The following SYNPR variants were observed in gnomAD, a reference collection of about 807,000 sequenced individuals.
SYNPR encodes synaptoporin.
SYNPR carries 23 observed loss-of-function variants against 32.9 expected under a neutral mutation model. The observed-to-expected ratio is 0.70, with a 90% CI of 0.50 to 0.99. The LOEUF is 0.99. SYNPR is among the 50% of genes least tolerant of loss of function. The probability of loss-of-function intolerance (pLI) is 0.00; values close to 1 mark genes in which losing one functional copy is unlikely to be tolerated. For missense variants in SYNPR, 318 were observed against 349.3 expected, an observed-to-expected ratio of 0.91 and a Z score of 0.71; for synonymous variants, 146 against 135.9, an observed-to-expected ratio of 1.07 and a Z score of -0.52.
chr3:63,544,330 T>C (rs909319935), intron 3 of SYNPR, among the ~76,000 whole-genome samples: 15 of 152,106 alleles, frequency 9.9e-5, no homozygotes, highest in African/African-American at 3.4e-4. Flanking sequence ...CAATGTTTTC[T>C]TGTGTCTTAG....
chr3:63,430,837 G>T (rs755289217), intron 2 of SYNPR, among the ~76,000 whole-genome samples: 1 of 152,030 alleles, frequency 6.6e-6, no homozygotes, highest in Non-Finnish European at 1.5e-5. Flanking sequence ...AAAATAAAAT[G>T]ACACAAGTAA....
At chr3:63,320,098 C>T (rs2087092491) in intron 2 of SYNPR, among the ~76,000 whole-genome samples, 1 of 151,934 alleles carries the variant, frequency 6.6e-6, no homozygotes, top group Admixed American at 6.6e-5. Flanking sequence ...TATAGATGTG[C>T]AGCACCATAC....
intron 4 of SYNPR, among the ~76,000 whole-genome samples, chr3:63,596,073 C>A (rs1341079102): frequency 4.7e-5 from 7 of 148,900 alleles, no homozygotes; most frequent in South Asian, 2.1e-4. Flanking sequence ...TATACATGTG[C>A]CATGCTGGTG....
intron 2 of SYNPR, among the ~76,000 whole-genome samples, chr3:63,363,624 T>C (rs188717585): frequency 6.6e-6 from 1 of 152,216 alleles, no homozygotes; most frequent in Non-Finnish European, 1.5e-5. Context: ...CCTCGTTTTC[T>C]TCTCTGTCAG....
intron 1 of SYNPR, chr3:63,252,379 C>T (rs1272686057): frequency 6.6e-6 from 1 of 152,048 alleles, no homozygotes; most frequent in East Asian, 1.9e-4. Flanking sequence ...ATTTGAATTC[C>T]ATTTATGAAG....
At chr3:63,296,780 G>C in intron 2 of SYNPR, among the ~76,000 whole-genome samples, 1 of 152,100 alleles carries the variant, frequency 6.6e-6, no homozygotes, top group East Asian at 1.9e-4. Context: ...GTACAGTTTA[G>C]TTGTTTATAA....
chr3:63,273,901 A>G (rs1318469554), upstream of SYNPR, among the ~76,000 whole-genome samples: 1 of 152,234 alleles, frequency 6.6e-6, no homozygotes, highest in Non-Finnish European at 1.5e-5. Flanking sequence ...ATAATGCTAT[A>G]CTTATTCTAA....
intron 2 of SYNPR, among the ~76,000 whole-genome samples, chr3:63,395,911 C>G (rs1322348868): frequency 1.3e-5 from 2 of 151,900 alleles, no homozygotes; most frequent in African/African-American, 2.4e-5. Context: ...TTCCATTTTA[C>G]TTAATCTCTT....
intron 2 of SYNPR, among the ~76,000 whole-genome samples, chr3:63,367,080 T>G (rs1388564252): frequency 6.6e-6 from 1 of 152,236 alleles, no homozygotes; most frequent in African/African-American, 2.4e-5. Context: ...CTGGAAATTC[T>G]AGGCCAGATG....
At chr3:63,330,613 A>G (rs2087217799) in intron 2 of SYNPR, among the ~76,000 whole-genome samples, 1 of 152,166 alleles carries the variant, frequency 6.6e-6, no homozygotes, top group South Asian at 2.1e-4. Flanking sequence ...TAAAAAGAGG[A>G]GATGATAAAC....
At chr3:63,326,706 T>C (rs546524966) in intron 2 of SYNPR, among the ~76,000 whole-genome samples, 74 of 152,262 alleles carry the variant, frequency 4.9e-4, no homozygotes, top group African/African-American at 1.6e-3. Flanking sequence ...TATTTATCAG[T>C]TTCTCTCTCT....
intron 3 of SYNPR, among the ~76,000 whole-genome samples, chr3:63,506,222 C>CATTG (rs1375151460): frequency 6.6e-6 from 1 of 151,880 alleles, no homozygotes; most frequent in Non-Finnish European, 1.5e-5. Flanking sequence ...CAATATGAAC[C>CATTG]ATTGATTGAA....
chr3:63,475,393 C>G (rs1700880753), intron 2 of SYNPR, among the ~76,000 whole-genome samples: 1 of 152,132 alleles, frequency 6.6e-6, no homozygotes, highest in African/African-American at 2.4e-5. Context: ...GGTGAGGTGT[C>G]TGCTTTGTTT....
At chr3:63,407,605 C>A (rs552509876) in intron 2 of SYNPR, among the ~76,000 whole-genome samples, 1 of 152,248 alleles carries the variant, frequency 6.6e-6, no homozygotes, top group South Asian at 2.1e-4. Context: ...TAATATCATA[C>A]AAGTTAAATG....
intron 3 of SYNPR, among the ~76,000 whole-genome samples, chr3:63,518,424 G>A (rs905670541): frequency 3.3e-5 from 5 of 152,060 alleles, no homozygotes; most frequent in Admixed American, 3.3e-4. Context: ...TGTGTCCCAG[G>A]CCTGGAACAA....
intron 2 of SYNPR, among the ~76,000 whole-genome samples, chr3:63,370,582 A>G (rs1330674435): frequency 6.6e-6 from 1 of 152,220 alleles, no homozygotes; most frequent in Non-Finnish European, 1.5e-5. Context: ...GGTGTTTAAA[A>G]TGGACAAATA....
At chr3:63,589,485 G>A (rs192644941) in intron 4 of SYNPR, among the ~76,000 whole-genome samples, 22 of 151,962 alleles carry the variant, frequency 1.4e-4, no homozygotes, top group African/African-American at 2.4e-4. Flanking sequence ...CCCCAAAGCC[G>A]GGCAGAGACA....
intron 2 of SYNPR, among the ~76,000 whole-genome samples, chr3:63,447,306 G>T (rs1700295821): frequency 1.3e-5 from 2 of 152,062 alleles, no homozygotes; most frequent in Admixed American, 1.3e-4. Flanking sequence ...TCTTCAGAGG[G>T]GTGACTAAAT....
chr3:63,535,827 A>G (rs1354727472), intron 3 of SYNPR, among the ~76,000 whole-genome samples: 2 of 152,118 alleles, frequency 1.3e-5, no homozygotes, highest in Non-Finnish European at 2.9e-5. Flanking sequence ...AAACTACAGA[A>G]CACTTAGAAG....
Sources: allele counts gnomAD v4.1 joint callset (sites outside exome capture counted in the v4.1 genomes callset), GRCh38; gene constraint gnomAD v4.1.1; transcripts MANE v1.5; gene names NCBI Gene and HGNC (gene_info 2026-07-23, HGNC 2026-07-21).